LACTB2: variants seen among roughly 807,000 people sequenced by gnomAD.
The protein encoded by LACTB2 is endoribonuclease LACTB2.
LACTB2 carries 32 observed loss-of-function variants against 34.8 expected under a neutral mutation model. The observed-to-expected ratio is 0.92, with a 90% CI of 0.69 to 1.24. The LOEUF is 1.24. Ranked by LOEUF, LACTB2 falls within the 50% of genes most tolerant of loss-of-function variation. The pLI is 0.00. For missense variants in LACTB2, 320 were observed against 345.0 expected (o/e 0.93, Z 0.57); for synonymous variants, 120 against 117.5 (o/e 1.02, Z -0.14).
chr8:70,643,443 G>A lies in LACTB2; in HGVS notation c.592+622C>T, dbSNP rs189182792. Among the ~76,000 whole-genome samples the A allele has an allele frequency of 5.4e-3, 824 of 151,750 alleles. 9 individuals are homozygous for A. The highest frequency in any genetic ancestry group is 0.019 in the African/African-American group (777 of 41,378). On this transcript the variant is annotated intron_variant, in intron 4 of 6. Transcript: ENST00000276590. ...TCACCATGTTGGCCAGGCTGATCTC[G>A]AACTCCTGACCTCAGGTGATCTGCC... is the stretch of plus-strand genomic sequence containing the variant.
chr8:70,647,129 C>T (rs1273799882), intron 3 of LACTB2, among the ~76,000 whole-genome samples: 3 of 152,114 alleles, frequency 2.0e-5, no homozygotes, highest in African/African-American at 7.2e-5. Context: ...AATAGCAATA[C>T]ATGTCTGAAG....
Position 70,637,306 on chromosome 8 carries a change from A to C in LACTB2, c.*554T>G, listed in dbSNP as rs1818135218. 6.6e-6 allele frequency: 1 copy of C among 152,214 alleles called. No homozygotes were observed. The highest frequency in any genetic ancestry group is 2.4e-5 in the African/African-American group (1 of 41,474). The allele number at this position is 152,214 out of a possible 1,614,324, so 9.4% of individuals were successfully genotyped here. A position where few individuals can be genotyped will look rare whatever the true frequency, so the allele number is the denominator to read the frequency against. Reference sequence around the variant, plus strand: ...ATTTAATATTTTTCAATCACCAAAAATTCATTTGCATGAATCATTTGTGGT... The same window carrying C: ...ATTTAATATTTTTCAATCACCAAAACTTCATTTGCATGAATCATTTGTGGT... On this transcript the variant is annotated 3_prime_UTR_variant, in exon 7 of 7. Transcript: ENST00000276590.
At chr8:70,660,592 T>C (rs1818469240) in intron 2 of LACTB2, 1 of 456,208 alleles carries the variant, frequency 2.2e-6, no homozygotes, top group African/African-American at 2.0e-5. Context: ...GTGCCCTGAA[T>C]GTGCCAACCA....
chr8:70,645,063 TAC>T lies in LACTB2; in HGVS notation c.414-822_414-821del, dbSNP rs200885166. Among the ~76,000 whole-genome samples the T allele has an allele frequency of 2.3e-3, 349 of 151,960 alleles. 3 individuals carry two copies. The highest frequency in any genetic ancestry group is 7.9e-3 in the African/African-American group (329 of 41,514). Reference sequence around the variant, plus strand: ...GTTTACATCATTTTATATATATATATACACACACACACACATATACACATATA... The same window carrying T: ...GTTTACATCATTTTATATATATATATACACACACACACATATACACATATA... On this transcript the variant is annotated intron_variant, in intron 3 of 6. Coordinates refer to ENST00000276590, the MANE Select transcript of LACTB2 (RefSeq NM_016027.3).
chr8:70,662,144 G>T, intron 1 of LACTB2: 1 of 303,642 alleles, frequency 3.3e-6, no homozygotes, highest in Non-Finnish European at 6.1e-6. Flanking sequence ...CATTTACATA[G>T]CAATTAAAAT....
At position 70,669,022 on chromosome 8, in the gene LACTB2, G is replaced by C. The variant is rs770242000; in HGVS notation, c.99C>G (p.Thr33=). 3.1e-6 allele frequency: 5 copies of C among 1,601,136 alleles called. No homozygotes were observed. The highest frequency in any genetic ancestry group is 1.1e-5 in the South Asian group (1 of 89,066). Residue 33 remains threonine, a synonymous_variant, in exon 1 of 7, where the codon ACC becomes ACG. Transcript: ENST00000276590. The part of the protein sequence containing the change: ...PGPMTLQGTN[T]YLVGTGPRRI... Reference sequence around the variant, plus strand: ...ACCTGGGGCCGGTCCCCACTAGGTAGGTGTTGGTGCCTTGGAGGGTCATGG... The same window carrying C: ...ACCTGGGGCCGGTCCCCACTAGGTACGTGTTGGTGCCTTGGAGGGTCATGG...
At chr8:70,657,977 G>A in intron 2 of LACTB2, 95 bp from the exon 3 acceptor site, 1 of 707,518 alleles carries the variant, frequency 1.4e-6, no homozygotes, top group Non-Finnish European at 2.2e-6. Flanking sequence ...GTGAATGACT[G>A]CATAAAATAT....
intron 5 of LACTB2, 115 bp from the exon 6 acceptor site, chr8:70,638,744 A>ATT (rs377700622): frequency 3.6e-3 from 2,299 of 633,176 alleles, no homozygotes; most frequent in Non-Finnish European, 4.1e-3. Flanking sequence ...TCTTAAACAC[A>ATT]TTTTTTTTTT....
chr8:70,640,651 C>G, intron 5 of LACTB2: 1 of 240,796 alleles, frequency 4.2e-6, no homozygotes. Flanking sequence ...GTTTCTCCTA[C>G]ATAGTTAGGC....
Position 70,640,958 on chromosome 8 carries a change from G to A in LACTB2, c.685C>T (p.Arg229Cys), listed in dbSNP as rs753623930. 54 of 1,607,636 alleles carry A rather than the reference G, an allele frequency of 3.4e-5. No homozygotes were observed. In the Admixed American group the frequency reaches 3.7e-4, roughly 11 times the overall value. Residue 229 changes from arginine to cysteine, a missense_variant, in exon 5 of 7, where the codon CGT becomes TGT. Arg to Cys is a radical substitution (Grantham distance 180). Transcript: ENST00000276590. ...IREQQILTLF[R>C]ENFEKSFTVM... Reference sequence around the variant, plus strand: ...GTAAATGATTTCTCAAAGTTCTCACGAAATAATGTAAGAATTTGCTGCTCT... The same window carrying A: ...GTAAATGATTTCTCAAAGTTCTCACAAAATAATGTAAGAATTTGCTGCTCT...
At chr8:70,646,649 A>G (rs1818267619) in intron 3 of LACTB2, 2 of 151,960 alleles carry the variant, frequency 1.3e-5, no homozygotes, top group South Asian at 4.2e-4. Context: ...TAATACTTTT[A>G]AAGTATGACA....
Position 70,640,985 on chromosome 8 carries a change from G to T in LACTB2, c.658C>A (p.Arg220=). The T allele has an allele frequency of 6.2e-7, 1 of 1,608,936 alleles. No individual in the cohort carries two copies. The highest frequency in any genetic ancestry group is 1.1e-5 in the South Asian group (1 of 89,802). ...AATAATGTAAGAATTTGCTGCTCTCGAATATTTCTGTGAGAAATGTATTGT... is the reference window on the plus strand; with the variant it reads ...AATAATGTAAGAATTTGCTGCTCTCTAATATTTCTGTGAGAAATGTATTGT... ...IQQYISHRNI[R]EQQILTLFRE... is the part of the protein sequence containing the mutation. Residue 220 remains arginine, a synonymous_variant, in exon 5 of 7, where the codon CGA becomes AGA. Coordinates refer to ENST00000276590, the MANE Select transcript of LACTB2 (RefSeq NM_016027.3).
At chr8:70,662,172 A>G in intron 1 of LACTB2, 1 of 248,620 alleles carries the variant, frequency 4.0e-6, no homozygotes, top group South Asian at 9.8e-5. Context: ...GCACCATTCC[A>G]AGGACTTTAC....
intron 3 of LACTB2, among the ~76,000 whole-genome samples, chr8:70,647,832 C>T (rs1410986915): frequency 6.6e-6 from 1 of 152,146 alleles, no homozygotes; most frequent in East Asian, 1.9e-4. Context: ...TTCAGATCCT[C>T]AAGAGTCTCT....
chr8:70,665,311 G>A (rs1818523313), intron 1 of LACTB2, among the ~76,000 whole-genome samples: 1 of 152,192 alleles, frequency 6.6e-6, no homozygotes, highest in South Asian at 2.1e-4. Context: ...AGAGCAAAGT[G>A]CCTGGCACAT....
chr8:70,645,891 T>G (rs1032138536), intron 3 of LACTB2, among the ~76,000 whole-genome samples: 3 of 152,146 alleles, frequency 2.0e-5, no homozygotes, highest in Non-Finnish European at 2.9e-5. Flanking sequence ...ATCCAGTCTA[T>G]CATTGTTGGA....
chr8:70,669,141 G>A lies in LACTB2; in HGVS notation c.-21C>T, dbSNP rs111403804. 3.0e-4 allele frequency: 479 copies of A among 1,611,366 alleles called. 2 individuals are homozygous for A. In the African/African-American group the frequency reaches 5.3e-3, roughly 18 times the overall value. On this transcript the variant is annotated 5_prime_UTR_variant, in exon 1 of 7. Coordinates refer to ENST00000276590, the MANE Select transcript of LACTB2 (RefSeq NM_016027.3). ...GCCATTCCCGCCTCAGCCGCCCGCC[G>A]GCGTGTCGCCTATCTGGATACTCCA...
At chr8:70,638,463 T>C in intron 6 of LACTB2, 85 bp downstream of exon 6, 1 of 1,355,118 alleles carries the variant, frequency 7.4e-7, no homozygotes, top group Non-Finnish European at 9.9e-7. Context: ...CTCTGATGGG[T>C]ATTATTTTTC....
At chr8:70,638,285 T>C (rs969552917) in intron 6 of LACTB2, among the ~76,000 whole-genome samples, 3 of 152,218 alleles carry the variant, frequency 2.0e-5, no homozygotes, top group Admixed American at 6.5e-5. Context: ...AAAAGTTATC[T>C]TCCTGCTACA....
Sources: allele counts gnomAD v4.1 joint callset (sites outside exome capture counted in the v4.1 genomes callset), GRCh38; gene constraint gnomAD v4.1.1; transcripts MANE v1.5; gene names NCBI Gene and HGNC (gene_info 2026-07-23, HGNC 2026-07-21).